Variants in CERKL observed in about 807,000 individuals in gnomAD.
CERKL encodes ceramide kinase-like protein.
A neutral mutation model predicts 63.4 loss-of-function variants in CERKL; 61 were observed. The observed-to-expected ratio is 0.96, with a 90% CI of 0.78 to 1.19. The LOEUF (loss-of-function observed/expected upper bound fraction) is 1.19, where lower values mean the gene tolerates loss of function less well. CERKL is among the 50% of genes most tolerant of loss of function. The pLI is 0.00. For synonymous variants in CERKL, 250 were observed against 230.5 expected, an observed-to-expected ratio of 1.08 and a Z score of -0.77; for missense variants, 675 against 655.5, an observed-to-expected ratio of 1.03 and a Z score of -0.33.
intron 2 of CERKL, among the ~76,000 whole-genome samples, chr2:181,595,967 T>C (rs1174437341): frequency 2.0e-5 from 3 of 152,216 alleles, no homozygotes; most frequent in African/African-American, 4.8e-5. Flanking sequence ...TTTACATTTT[T>C]ATAATAATGA....
intron 5 of CERKL, among the ~76,000 whole-genome samples, chr2:181,556,047 C>T (rs1045757902): frequency 2.6e-5 from 4 of 152,058 alleles, no homozygotes; most frequent in Non-Finnish European, 2.9e-5. Context: ...CCACTGCACC[C>T]GGCCTTATTA....
At position 181,643,940 on chromosome 2, in the gene CERKL, G is replaced by A. The variant is rs186086522; in HGVS notation, c.238+12829C>T. Among the ~76,000 whole-genome samples, 7 of 152,206 alleles carry A rather than the reference G, an allele frequency of 4.6e-5. No homozygotes were observed. The East Asian group carries it at 9.6e-4, about 21-fold the overall frequency. ...AATGCCTGACTCTTCTGCTTTAATC[G>A]AACATTTCAAATAAAAGCTTACCCC... On this transcript the variant is annotated intron_variant, in intron 1 of 12. Coordinates refer to ENST00000410087, the MANE Select transcript of CERKL (RefSeq NM_201548.5).
In CERKL at chr2:181,537,065, ACCT is replaced by A; in HGVS notation, c.*1116_*1118del. ...TTGAGTAGTGAAATGTAAGCACAAA[ACCT>A]CCTGAACCCAGAGTGTGTATACACA... is the stretch of plus-strand genomic sequence containing the variant. On this transcript the variant is annotated 3_prime_UTR_variant, in exon 13 of 13. Transcript: ENST00000410087. 2.3e-6 allele frequency: 1 copy of A among 444,420 alleles called. No homozygotes were observed. Among genetic ancestry groups the A allele is most frequent in the Non-Finnish European group, 4.5e-6 (1 of 221,788 alleles). The allele number at this position is 444,420 out of a possible 1,614,324, so 27.5% of individuals were successfully genotyped here.
In CERKL at chr2:181,550,512, G is replaced by C. The variant is rs926428963; in HGVS notation, c.821-804C>G. On this transcript the variant is annotated intron_variant, in intron 5 of 12. Coordinates refer to ENST00000410087, the MANE Select transcript of CERKL (RefSeq NM_201548.5). This position sits in a 1 kb window ranked among gnomAD's most constrained non-coding sequence, Gnocchi z 4.5. The stretch of plus-strand genomic sequence containing the variant: ...GCTAAAGAGAATTTAAAATTATTAA[G>C]AACAGAATGAATGAAGCTACAATTT... Among the ~76,000 whole-genome samples, 2 of 152,062 alleles carry C rather than the reference G, an allele frequency of 1.3e-5. No homozygotes were observed. Among genetic ancestry groups the C allele is most frequent in the African/African-American group, 4.8e-5 (2 of 41,404 alleles).
chr2:181,632,947 T>C (rs1687028523), intron 1 of CERKL, among the ~76,000 whole-genome samples: 1 of 152,190 alleles, frequency 6.6e-6, no homozygotes, highest in South Asian at 2.1e-4. Flanking sequence ...ACTTAAATGG[T>C]TGAGTGCTGG....
intron 1 of CERKL, 35 bp downstream of exon 1, chr2:181,656,734 G>C (rs755490115): frequency 1.3e-6 from 2 of 1,532,950 alleles, no homozygotes; most frequent in Non-Finnish European, 1.8e-6. Context: ...AGGAAGCGCG[G>C]AGGGAGGCGA....
At chr2:181,585,450 A>C (rs1251630548) in intron 2 of CERKL, among the ~76,000 whole-genome samples, 1 of 152,198 alleles carries the variant, frequency 6.6e-6, no homozygotes, top group Admixed American at 6.5e-5. Context: ...GTATTTTATA[A>C]AGGAAGTCTA....
intron 1 of CERKL, among the ~76,000 whole-genome samples, chr2:181,627,386 T>A (rs773463825): frequency 2.0e-5 from 3 of 152,140 alleles, no homozygotes; most frequent in Non-Finnish European, 4.4e-5. Context: ...CAGAAAAGAA[T>A]GAAAAGATAT....
Position 181,654,294 on chromosome 2 carries a change from A to T in CERKL, c.238+2475T>A, listed in dbSNP as rs552063248. On this transcript the variant is annotated intron_variant, in intron 1 of 12. Coordinates refer to ENST00000410087, the MANE Select transcript of CERKL (RefSeq NM_201548.5). ...ATTATTCCAGGTCATCCCTGAACCC[A>T]ATAAAAAGAACTACAATTACTACGG... Among the ~76,000 whole-genome samples the T allele has an allele frequency of 7.6e-4, 116 of 152,304 alleles. 1 individual carries two copies. Among genetic ancestry groups the T allele is most frequent in the African/African-American group, 2.7e-3 (114 of 41,566 alleles).
intron 1 of CERKL, among the ~76,000 whole-genome samples, chr2:181,607,736 T>C (rs527491757): frequency 6.6e-6 from 1 of 152,254 alleles, no homozygotes; most frequent in South Asian, 2.1e-4. Flanking sequence ...CCCTCAAGAA[T>C]GAAAGCAAGC....
Position 181,656,875 on chromosome 2 carries a change from C to A in CERKL, c.132G>T (p.Glu44Asp). Residue 44 changes from glutamate (E) to aspartate (D), a missense_variant, in exon 1 of 13, where the codon GAG becomes GAT. Transcript: ENST00000410087. ...TSPQQTEAAA[E>D]RILLRGIFEI... ...CGAAGATGCCCCGGAGCAGAATCCG[C>A]TCGGCCGCCGCCTCCGTCTGCTGCG... is the stretch of plus-strand genomic sequence containing the variant. The A allele has an allele frequency of 6.2e-7, 1 of 1,605,704 alleles. No homozygotes were observed.
chr2:181,559,470 A>T (rs1186433357), intron 4 of CERKL, among the ~76,000 whole-genome samples: 1 of 152,190 alleles, frequency 6.6e-6, no homozygotes, highest in Non-Finnish European at 1.5e-5. Context: ...ATTTTGCCTC[A>T]GTGAAAGCAG....
intron 1 of CERKL, among the ~76,000 whole-genome samples, chr2:181,608,674 A>G (rs1685826791): frequency 6.6e-6 from 1 of 152,220 alleles, no homozygotes; most frequent in Admixed American, 6.5e-5. Flanking sequence ...AAACAGGGCA[A>G]GAATACCTAT....
intron 3 of CERKL, among the ~76,000 whole-genome samples, chr2:181,568,288 T>A (rs571052037): frequency 6.6e-6 from 1 of 152,298 alleles, no homozygotes; most frequent in East Asian, 1.9e-4. Flanking sequence ...TGTAGGTACT[T>A]TAAAGTTAGT....
At chr2:181,625,874 T>C (rs1381288131) in intron 1 of CERKL, among the ~76,000 whole-genome samples, 1 of 152,232 alleles carries the variant, frequency 6.6e-6, no homozygotes, top group Non-Finnish European at 1.5e-5. Flanking sequence ...AAAAATGATA[T>C]TTAATTTAAT....
intron 12 of CERKL, 121 bp from the exon 13 acceptor site, chr2:181,538,365 G>A (rs1687305870): frequency 3.1e-6 from 2 of 636,336 alleles, no homozygotes; most frequent in Non-Finnish European, 5.7e-6. Context: ...ATTCCCAACA[G>A]AGCTGTAATC....
intron 1 of CERKL, among the ~76,000 whole-genome samples, chr2:181,645,621 C>T (rs1687637848): frequency 6.6e-6 from 1 of 152,242 alleles, no homozygotes; most frequent in Non-Finnish European, 1.5e-5. Flanking sequence ...GCAAAGGCCA[C>T]AGCTCCTGCC....
rs1009069846 is a variant in CERKL, at chr2:181,551,161, T to C, written c.821-1453A>G. Among the ~76,000 whole-genome samples the C allele has an allele frequency of 4.6e-5, 7 of 152,156 alleles. No individual in the cohort carries two copies. In the South Asian group the frequency reaches 6.2e-4, roughly 14 times the overall value. ...GCAAATCATAAATACGGAAGCTAAATTGCCTTTGTTTGTAGGCATGATCTT... is the reference window on the plus strand; with the variant it reads ...GCAAATCATAAATACGGAAGCTAAACTGCCTTTGTTTGTAGGCATGATCTT... On this transcript the variant is annotated intron_variant, in intron 5 of 12. Transcript: ENST00000410087.
At chr2:181,640,013 T>G (rs529312131) in intron 1 of CERKL, among the ~76,000 whole-genome samples, 1 of 152,252 alleles carries the variant, frequency 6.6e-6, no homozygotes, top group African/African-American at 2.4e-5. Flanking sequence ...GGTACATTAT[T>G]TTAGACTTAC....
Sources: gnomAD v4.1 joint callset for allele counts (sites outside exome capture counted in the v4.1 genomes callset) on GRCh38, gnomAD v4.1.1 for gene constraint, Gnocchi (gnomAD v3.1) non-coding constraint, MANE v1.5 for transcripts, NCBI Gene and HGNC (gene_info 2026-07-23, HGNC 2026-07-21) for gene names.